PLN: variants seen among roughly 807,000 people sequenced by gnomAD.
PLN encodes the protein phospholamban.
Under a neutral mutation model 3.9 loss-of-function variants are expected in PLN, and 1 was observed. The observed-to-expected ratio is 0.26, with a 90% CI of 0.09 to 1.23. PLN has a LOEUF of 1.23. Ranked by LOEUF, PLN falls within the 50% of genes most tolerant of loss-of-function variation. PLN has a pLI of 0.48. For synonymous variants in PLN, 21 were observed against 20.5 expected (o/e 1.02, Z -0.07); for missense variants, 59 against 62.7 (o/e 0.94, Z 0.20).
intron 1 of PLN, among the ~76,000 whole-genome samples, chr6:118,549,433 C>A (rs1583025280): frequency 6.6e-6 from 1 of 151,706 alleles, no homozygotes; most frequent in African/African-American, 2.4e-5. Context: ...TCAGGGCATA[C>A]AGAAAATTAC....
At chr6:118,549,326 C>G (rs1778397102) in intron 1 of PLN, among the ~76,000 whole-genome samples, 1 of 151,852 alleles carries the variant, frequency 6.6e-6, no homozygotes, top group Non-Finnish European at 1.5e-5. Flanking sequence ...GGAGATGCCA[C>G]AATCAATTTT....
At chr6:118,550,868 A>C (rs1032033153) in intron 1 of PLN, among the ~76,000 whole-genome samples, 2 of 151,918 alleles carry the variant, frequency 1.3e-5, no homozygotes, top group Non-Finnish European at 2.9e-5. Flanking sequence ...TTACATTCTT[A>C]ATAGTCTAAA....
intron 1 of PLN, among the ~76,000 whole-genome samples, 161 bp from the exon 2 acceptor site, chr6:118,558,654 CACACACAGAG>C (rs1387382412): frequency 3.6e-4 from 47 of 131,622 alleles, no homozygotes; most frequent in Middle Eastern, 3.6e-3. Context: ...CACACACACA[CACACACAGAG>C]AGAGAGAGAG....
At chr6:118,554,932 G>T (rs572648453) in intron 1 of PLN, among the ~76,000 whole-genome samples, 2 of 152,306 alleles carry the variant, frequency 1.3e-5, no homozygotes, top group African/African-American at 4.8e-5. Flanking sequence ...TGTCAACGTA[G>T]GGGATGACTC....
rs75649075 is a variant in PLN at position 118,561,063 on chromosome 6, C to T, written c.*1983C>T. ...TGCTAACTCAATAGTGAAGGAGACA[C>T]TATTAAATTTTCTGAACCCATGAGA... is the stretch of plus-strand genomic sequence containing the variant. On this transcript the variant is annotated 3_prime_UTR_variant, in exon 2 of 2. Transcript: ENST00000357525. Among the ~76,000 whole-genome samples the T allele has an allele frequency of 0.04, 6,128 of 152,196 alleles. 196 individuals carry two copies. Among genetic ancestry groups the T allele is most frequent in the Non-Finnish European group, 0.06 (4,077 of 67,992 alleles).
chr6:118,554,095 C>T (rs13192574), intron 1 of PLN, among the ~76,000 whole-genome samples: 70,565 of 151,920 alleles, frequency 0.46, 16,894 homozygotes, highest in Middle Eastern at 0.57. Context: ...TGAGACCAGC[C>T]TGTGCAGCAC....
chr6:118,553,707 T>G (rs1778683913), intron 1 of PLN, among the ~76,000 whole-genome samples: 1 of 152,192 alleles, frequency 6.6e-6, no homozygotes, highest in Non-Finnish European at 1.5e-5. Flanking sequence ...AGTTAGCTGT[T>G]GTAGGATTAT....
At chr6:118,557,475 G>C (rs972249771) in intron 1 of PLN, among the ~76,000 whole-genome samples, 2 of 152,128 alleles carry the variant, frequency 1.3e-5, no homozygotes, top group African/African-American at 4.8e-5. Context: ...TATGTGTGGG[G>C]CTTGCATATT....
intron 1 of PLN, among the ~76,000 whole-genome samples, chr6:118,556,885 C>T (rs1399855745): frequency 6.6e-6 from 1 of 152,070 alleles, no homozygotes; most frequent in Non-Finnish European, 1.5e-5. Context: ...AATTTTCAGT[C>T]TATATATAAT....
At chr6:118,549,078 A>G (rs1304667734) in intron 1 of PLN, among the ~76,000 whole-genome samples, 1 of 152,036 alleles carries the variant, frequency 6.6e-6, no homozygotes, top group African/African-American at 2.4e-5. Flanking sequence ...AGAAGTTTAG[A>G]AATTTTAAAA....
intron 1 of PLN, among the ~76,000 whole-genome samples, chr6:118,555,389 C>T (rs1444416656): frequency 1.4e-5 from 2 of 147,056 alleles, no homozygotes; most frequent in Non-Finnish European, 3.0e-5. Context: ...GATCGTGCCA[C>T]TGCACTCCAG....
intron 1 of PLN, among the ~76,000 whole-genome samples, chr6:118,558,568 G>A (rs561225550): frequency 6.7e-6 from 1 of 149,056 alleles, no homozygotes; most frequent in Non-Finnish European, 1.5e-5. Flanking sequence ...AGACGGTCAT[G>A]GTGTGCCCCA....
At position 118,554,792 on chromosome 6, in the gene PLN, A is replaced by C. The variant is rs117972556; in HGVS notation, c.-97-4033A>C. ...GAATCAACTGAAGCTTGCATGGCAG[A>C]CAATCAAAAGGTGGAGAACACATTC... On this transcript the variant is annotated intron_variant, in intron 1 of 1. Transcript: ENST00000357525. 7.6e-3 allele frequency among the ~76,000 whole-genome samples: 1,154 copies of C among 152,344 alleles called. 5 individuals carry two copies. The highest frequency in any genetic ancestry group is 0.013 in the Non-Finnish European group (908 of 68,030).
At chr6:118,558,758 T>C (rs1779051720) in intron 1 of PLN, 67 bp from the exon 2 acceptor site, 1 of 663,606 alleles carries the variant, frequency 1.5e-6, no homozygotes, top group Non-Finnish European at 2.7e-6. Context: ...AGTGTAAAAT[T>C]GTATTTTTTG....
At chr6:118,549,384 A>G (rs1778401166) in intron 1 of PLN, among the ~76,000 whole-genome samples, 1 of 151,862 alleles carries the variant, frequency 6.6e-6, no homozygotes, top group African/African-American at 2.4e-5. Flanking sequence ...ACAATCCTCA[A>G]TTTAGTAAAT....
rs927012600 is a variant in PLN, at chr6:118,560,498, T to C, written c.*1418T>C. 1.2e-5 allele frequency: 2 copies of C among 167,010 alleles called. No individual in the cohort carries two copies. The highest frequency in any genetic ancestry group is 6.5e-5 in the Admixed American group (1 of 15,270). 10.3% of individuals were successfully genotyped at this position (167,010 alleles called of 1,614,324 possible). ...GAAAGATGGGGAGGAAGAGAAGGCG[T>C]TGGTCTTGCAGTCTTGTCTTAGGGG... On this transcript the variant is annotated 3_prime_UTR_variant, in exon 2 of 2. Transcript: ENST00000357525.
chr6:118,556,259 T>A (rs1232848420), intron 1 of PLN, among the ~76,000 whole-genome samples: 2 of 152,212 alleles, frequency 1.3e-5, no homozygotes, highest in Non-Finnish European at 2.9e-5. Flanking sequence ...TAACAGCCTT[T>A]AGCCACCTGT....
At chr6:118,558,180 A>T (rs997686769) in intron 1 of PLN, among the ~76,000 whole-genome samples, 4 of 152,096 alleles carry the variant, frequency 2.6e-5, no homozygotes, top group Non-Finnish European at 4.4e-5. Flanking sequence ...CAAACTCCTG[A>T]CCTCAGGGGA....
chr6:118,551,783 C>G (rs1562252657), intron 1 of PLN, among the ~76,000 whole-genome samples: 1 of 151,934 alleles, frequency 6.6e-6, no homozygotes, highest in Non-Finnish European at 1.5e-5. Flanking sequence ...CAGTCTGGAC[C>G]AACAAAGCTC....
Sources: gnomAD v4.1 joint callset for allele counts (sites outside exome capture counted in the v4.1 genomes callset) on GRCh38, gnomAD v4.1.1 for gene constraint, MANE v1.5 for transcripts, NCBI Gene and HGNC (gene_info 2026-07-23, HGNC 2026-07-21) for gene names.